Variants in DHDH observed in about 807,000 individuals in gnomAD.
DHDH encodes trans-1,2-dihydrobenzene-1,2-diol dehydrogenase.
DHDH carries 29 observed loss-of-function variants against 33.2 expected under a neutral mutation model. That is an observed-to-expected ratio of 0.87 (90% CI 0.65 to 1.19). DHDH has a LOEUF of 1.19. Ranked by LOEUF, DHDH falls within the 50% of genes most tolerant of loss-of-function variation. DHDH has a pLI of 0.00. For missense variants in DHDH, 431 were observed against 455.0 expected (o/e 0.95, Z 0.48); for synonymous variants, 201 against 187.9 (o/e 1.07, Z -0.57).
In DHDH at chr19:48,942,679, A is replaced by G. The variant is rs555230421; in HGVS notation, c.744+115A>G. The G allele has an allele frequency of 2.1e-6, 3 of 1,457,466 alleles. No individual in the cohort carries two copies. In the African/African-American group the frequency reaches 4.2e-5, roughly 20 times the overall value. The allele number at this position is 1,457,466 out of a possible 1,614,324, so 90.3% of individuals were successfully genotyped here. ...AGCCAATTTCACATCATTGCTAAAG[A>G]GTTCCTCCTTAACCAAGCCAAGAGG... is the stretch of plus-strand genomic sequence containing the variant. On this transcript the variant is annotated intron_variant, in intron 5 of 6. Transcript: ENST00000221403.
chr19:48,933,793 G>A lies in DHDH; in HGVS notation c.72G>A (p.Leu24=). ...SSDFTAVLQT[L]PRSEHQVVAV... ...ACTTCACAGCCGTGCTGCAGACGCT[G>A]CCTCGCTCTGAGCACCAGGTCTGCC... The change falls in exon 1 of 7, where the codon CTG becomes CTA. Residue 24 remains leucine (L), a synonymous_variant. Transcript: ENST00000221403. 1 of 1,610,810 alleles carries A rather than the reference G, an allele frequency of 6.2e-7. No individual in the cohort carries two copies.
chr19:48,944,890 T>G lies in DHDH; in HGVS notation c.962T>G (p.Val321Gly), dbSNP rs1488369938. Residue 321 changes from valine (V) to glycine (G), a missense_variant, in exon 7 of 7, where the codon GTG becomes GGG. By Grantham distance (109) the Val-to-Gly change is moderately radical. Transcript: ENST00000221403. ...SELLADILEE[V>G]RKAIGVTFPQ... ...CTCCTGGCTGACATCCTTGAAGAGG[T>G]GAGGAAGGCCATTGGAGTCACCTTC... 6.2e-7 allele frequency: 1 copy of G among 1,613,918 alleles called. No homozygotes were observed. The highest frequency in any genetic ancestry group is 1.3e-5 in the African/African-American group (1 of 74,892).
At position 48,942,458 on chromosome 19, in the gene DHDH, C is replaced by T. The variant is rs1186400362; in HGVS notation, c.638C>T (p.Thr213Met). 5.0e-6 allele frequency: 8 copies of T among 1,609,780 alleles called. No homozygotes were observed. Among genetic ancestry groups the T allele is most frequent in the Admixed American group, 3.3e-5 (2 of 59,846 alleles). ...CCTCCAGGTGTGGATGACACTGTCA[C>T]GGTGCTCCTGCAGTACCCAGGGGAG... ...RHETGVDDTV[T>M]VLLQYPGEVH... Residue 213 changes from threonine to methionine, a missense_variant, in exon 5 of 7, where the codon ACG becomes ATG. By Grantham distance (81) the Thr-to-Met change is moderately conservative. Transcript: ENST00000221403.
At position 48,936,553 on chromosome 19, in the gene DHDH, G is replaced by A. The variant is rs1010395099; in HGVS notation, c.366+358G>A. Among the ~76,000 whole-genome samples, 40 of 151,674 alleles carry A rather than the reference G, an allele frequency of 2.6e-4. 1 individual carries two copies. The highest frequency in any genetic ancestry group is 7.7e-4 in the African/African-American group (32 of 41,420). On this transcript the variant is annotated intron_variant, in intron 3 of 6. Coordinates refer to ENST00000221403, the MANE Select transcript of DHDH (RefSeq NM_014475.4). Reference sequence around the variant, plus strand: ...CTTCTAAAAATACAAAAAATTAGCTGGGCGTGGTGGCGGGCGCCTGTAGTC... The same window carrying A: ...CTTCTAAAAATACAAAAAATTAGCTAGGCGTGGTGGCGGGCGCCTGTAGTC...
Position 48,944,855 on chromosome 19 carries a change from G to C in DHDH, c.927G>C (p.Ser309=). ...GMKESPVIPL[S]ESELLADILE... ...AGGAAAGTCCTGTGATTCCCCTGTCGGAAAGTGAGCTCCTGGCTGACATCC... is the reference window on the plus strand; with the variant it reads ...AGGAAAGTCCTGTGATTCCCCTGTCCGAAAGTGAGCTCCTGGCTGACATCC... The change falls in exon 7 of 7, where the codon TCG becomes TCC. Residue 309 remains serine, a synonymous_variant. Coordinates refer to ENST00000221403, the MANE Select transcript of DHDH (RefSeq NM_014475.4). The C allele has an allele frequency of 6.2e-7, 1 of 1,613,866 alleles. No homozygotes were observed. The highest frequency in any genetic ancestry group is 8.5e-7 in the Non-Finnish European group (1 of 1,180,008).
chr19:48,939,336 TG>T, intron 3 of DHDH, 112 bp from the exon 4 acceptor site: 2 of 1,275,584 alleles, frequency 1.6e-6, no homozygotes, highest in Non-Finnish European at 2.2e-6. Context: ...GGATACAACC[TG>T]GGGACTGATG....
At chr19:48,933,644 C>G (rs1026258667), upstream of DHDH, 1 of 1,421,452 alleles carries the variant, frequency 7.0e-7, no homozygotes, top group Non-Finnish European at 9.9e-7. Context: ...GGGGACCCGC[C>G]CCCGGGGTGG....
At chr19:48,944,598 A>G in intron 6 of DHDH, 91 bp downstream of exon 6, 1 of 1,517,754 alleles carries the variant, frequency 6.6e-7, no homozygotes, top group South Asian at 1.3e-5. Context: ...GTTTAGAACT[A>G]CATCTCCCAG....
chr19:48,944,622 G>T, intron 6 of DHDH, 115 bp downstream of exon 6: 1 of 1,441,908 alleles, frequency 6.9e-7, no homozygotes, highest in Non-Finnish European at 9.4e-7. Context: ...GTTGCAGTGA[G>T]CCGAGATTGC....
Position 48,939,696 on chromosome 19 carries a change from A to G in DHDH, c.614A>G (p.Glu205Gly). 3 of 1,598,972 alleles carry G rather than the reference A, an allele frequency of 1.9e-6. No homozygotes were observed. Among genetic ancestry groups the G allele is most frequent in the Non-Finnish European group, 2.6e-6 (3 of 1,169,032 alleles). Residue 205 changes from glutamate to glycine, a missense_variant, in exon 4 of 7, where the codon GAA (glutamate) becomes GGA (glycine). Glu to Gly is a moderately conservative substitution (Grantham distance 98). Coordinates refer to ENST00000221403, the MANE Select transcript of DHDH (RefSeq NM_014475.4). ...ATTTCTGTCGTGGGAAGGCGTCATG[A>G]AACAGGTACCATCTATCCTGGAATA... ...EKISVVGRRH[E>G]TGVDDTVTVL...
rs143877556 is a variant in DHDH, at chr19:48,944,508, G to C, written c.895+1G>C. The C allele has an allele frequency of 6.3e-7, 1 of 1,599,518 alleles. No homozygotes were observed. Among genetic ancestry groups the C allele is most frequent in the Admixed American group, 1.7e-5 (1 of 59,156 alleles). Reference sequence around the variant, plus strand: ...CACGTCTGGGAGTGCCTACGCAAGGGTAAGGATATGGATGCGGGGCAGGCG... The same window carrying C: ...CACGTCTGGGAGTGCCTACGCAAGGCTAAGGATATGGATGCGGGGCAGGCG... On this transcript the variant is annotated splice_donor_variant, in intron 6 of 6. Coordinates refer to ENST00000221403, the MANE Select transcript of DHDH (RefSeq NM_014475.4). LOFTEE classifies it high-confidence loss of function.
rs2037753054 is a variant in DHDH, at chr19:48,935,108, G to A, written c.199G>A (p.Val67Met). The change falls in exon 2 of 7, where the codon GTG becomes ATG. Residue 67 changes from valine (V) to methionine (M), a missense_variant. Physicochemically the swap from Val to Met is conservative, Grantham distance 21 (BLOSUM62 1). Transcript: ENST00000221403. Reference protein sequence around the residue: ...SYEELAKDPSVEVAYIGTQHP... With the variant: ...SYEELAKDPSMEVAYIGTQHP... ...TGAGGAGCTGGCCAAGGACCCGAGC[G>A]TGGGTGAGTGGCGAGGGCGATGGGG... 15 of 1,556,586 alleles carry A rather than the reference G, an allele frequency of 9.6e-6. No individual in the cohort carries two copies. The highest frequency in any genetic ancestry group is 1.2e-5 in the South Asian group (1 of 82,274).
intron 6 of DHDH, 84 bp from the exon 7 acceptor site, chr19:48,944,740 T>A: frequency 1.5e-6 from 2 of 1,328,702 alleles, no homozygotes; most frequent in Non-Finnish European, 2.2e-6. Context: ...ATGTATATTG[T>A]GCCACATGGA....
At position 48,942,466 on chromosome 19, in the gene DHDH, C is replaced by G; in HGVS notation, c.646C>G (p.Leu216Val). ...TGVDDTVTVL[L>V]QYPGEVHGSF... ...TGTGGATGACACTGTCACGGTGCTC[C>G]TGCAGTACCCAGGGGAGGTCCATGG... The change falls in exon 5 of 7, where the codon CTG becomes GTG. Residue 216 changes from leucine (L) to valine (V), a missense_variant. Physicochemically the swap from Leu to Val is conservative, Grantham distance 32 (BLOSUM62 1). Coordinates refer to ENST00000221403, the MANE Select transcript of DHDH (RefSeq NM_014475.4). 1 of 1,612,680 alleles carries G rather than the reference C, an allele frequency of 6.2e-7. No homozygotes were observed.
chr19:48,939,985 T>C, intron 4 of DHDH, among the ~76,000 whole-genome samples: 1 of 152,212 alleles, frequency 6.6e-6, no homozygotes, highest in Non-Finnish European at 1.5e-5. Context: ...AAGTAACTGC[T>C]GAGGCAAATG....
Position 48,943,970 on chromosome 19 carries a change from G to C in DHDH, c.745-387G>C, listed in dbSNP as rs188896943. 9.4e-4 allele frequency among the ~76,000 whole-genome samples: 142 copies of C among 150,892 alleles called. 1 individual carries two copies. The highest frequency in any genetic ancestry group is 1.0e-3 in the Non-Finnish European group (70 of 67,208). Reference sequence around the variant, plus strand: ...AGATTGATCCACTGCACTCCAGCCTGGGCGACAGAGCGAGACTCCATCTCA... The same window carrying C: ...AGATTGATCCACTGCACTCCAGCCTCGGCGACAGAGCGAGACTCCATCTCA... On this transcript the variant is annotated intron_variant, in intron 5 of 6. Transcript: ENST00000221403.
chr19:48,941,676 T>A, intron 4 of DHDH, among the ~76,000 whole-genome samples: 1 of 115,900 alleles, frequency 8.6e-6, no homozygotes, highest in East Asian at 2.2e-4. Context: ...AACCACCGGC[T>A]TTTTTTTTTT....
intron 4 of DHDH, among the ~76,000 whole-genome samples, chr19:48,942,027 T>TGA (rs2037869752): frequency 1.5e-5 from 2 of 134,644 alleles, no homozygotes; most frequent in South Asian, 2.5e-4. Context: ...TGTGTGTGTG[T>TGA]GATGGAGTCT....
Position 48,939,502 on chromosome 19 carries a change from C to T in DHDH, c.420C>T (p.Ala140=). 1 of 1,613,976 alleles carries T rather than the reference C, an allele frequency of 6.2e-7. No homozygotes were observed. Among genetic ancestry groups the T allele is most frequent in the Non-Finnish European group, 8.5e-7 (1 of 1,179,942 alleles). The change falls in exon 4 of 7, where the codon GCC becomes GCT. Residue 140 remains alanine, a synonymous_variant. Coordinates refer to ENST00000221403, the MANE Select transcript of DHDH (RefSeq NM_014475.4). The stretch of plus-strand genomic sequence containing the variant: ...CCGAGGCTCTGAGGTCTGTTTTGGC[C>T]CAGGGAACTCTAGGAGACCTCCGGG... The part of the protein sequence containing the change: ...PASEALRSVL[A]QGTLGDLRVA...
Sources: allele counts gnomAD v4.1 joint callset (sites outside exome capture counted in the v4.1 genomes callset), GRCh38; gene constraint gnomAD v4.1.1; transcripts MANE v1.5; gene names NCBI Gene and HGNC (gene_info 2026-07-23, HGNC 2026-07-21).